TUSC3: variants seen among roughly 807,000 people sequenced by gnomAD.
TUSC3 encodes the protein tumor suppressor candidate 3, also known as dolichyl-diphosphooligosaccharide--protein glycosyltransferase subunit TUSC3.
Under a neutral mutation model 44.8 loss-of-function variants are expected in TUSC3, and 45 were observed. The observed-to-expected ratio is 1.00, with a 90% CI of 0.79 to 1.29. TUSC3 has a LOEUF of 1.29. Ranked by LOEUF, TUSC3 falls within the 50% of genes most tolerant of loss-of-function variation. The pLI is 0.00. For synonymous variants in TUSC3, 212 were observed against 152.9 expected, an observed-to-expected ratio of 1.39 and a Z score of -2.85; for missense variants, 519 against 437.9, an observed-to-expected ratio of 1.19 and a Z score of -1.65.
the TUSC3 span, among the ~76,000 whole-genome samples, chr8:15,786,288 G>A: frequency 6.6e-6 from 1 of 152,134 alleles, no homozygotes; most frequent in African/African-American, 2.4e-5. Flanking sequence ...CAATGAAGTA[G>A]TAAGTTATTA....
At chr8:15,731,158 C>G (rs1011878952) in intron 7 of TUSC3, among the ~76,000 whole-genome samples, 2 of 151,960 alleles carry the variant, frequency 1.3e-5, no homozygotes, top group African/African-American at 4.8e-5. Context: ...GTTCAACATG[C>G]CTTTTTGGAA....
chr8:15,807,964 G>A, the TUSC3 span, among the ~76,000 whole-genome samples: 3 of 145,576 alleles, frequency 2.1e-5, no homozygotes, highest in Non-Finnish European at 3.0e-5. Context: ...CCTTAGCATC[G>A]TGTGATATAA....
At chr8:15,494,888 A>T (rs1800858948) in intron 2 of TUSC3, among the ~76,000 whole-genome samples, 1 of 152,116 alleles carries the variant, frequency 6.6e-6, no homozygotes, top group African/African-American at 2.4e-5. Context: ...TCATTCACCA[A>T]ATCTATAGCT....
chr8:15,816,728 A>G, the TUSC3 span, among the ~76,000 whole-genome samples: 26,483 of 152,158 alleles, frequency 0.17, 2,473 homozygotes, highest in Admixed American at 0.28. Flanking sequence ...CACCTTTTCC[A>G]ATAACCAAAC....
chr8:15,844,145 A>G, the TUSC3 span, among the ~76,000 whole-genome samples: 2 of 152,212 alleles, frequency 1.3e-5, no homozygotes, highest in East Asian at 3.9e-4. Context: ...CACCATGACA[A>G]ACAATTTTAA....
intron 1 of TUSC3, among the ~76,000 whole-genome samples, chr8:15,445,360 C>T (rs1332916242): frequency 6.6e-6 from 1 of 150,510 alleles, no homozygotes; most frequent in African/African-American, 2.4e-5. Context: ...GGGTGTTTCT[C>T]AGAGAGGGGG....
At chr8:15,596,009 A>C (rs1304963116) in intron 1 of TUSC3, among the ~76,000 whole-genome samples, 1 of 152,158 alleles carries the variant, frequency 6.6e-6, no homozygotes, top group Non-Finnish European at 1.5e-5. Context: ...TTGTGGGTAA[A>C]ATAGGTCCAA....
intron 2 of TUSC3, among the ~76,000 whole-genome samples, chr8:15,637,856 C>T (rs1806163391): frequency 6.6e-6 from 1 of 152,082 alleles, no homozygotes; most frequent in Non-Finnish European, 1.5e-5. Flanking sequence ...CTCTCTCCTC[C>T]TTCTTGCAGT....
At chr8:15,434,357 C>A (rs7814582) in intron 1 of TUSC3, among the ~76,000 whole-genome samples, 24,991 of 151,926 alleles carry the variant, frequency 0.16, 2,102 homozygotes, top group Middle Eastern at 0.22. Context: ...TTGTCAGATA[C>A]ATGTGTTCTG....
At chr8:15,704,637 C>CT (rs964293483) in intron 6 of TUSC3, among the ~76,000 whole-genome samples, 3 of 89,538 alleles carry the variant, frequency 3.4e-5, no homozygotes, top group Admixed American at 2.4e-4. Context: ...AAAGGAAACT[C>CT]TTTTTTTTCC....
intron 2 of TUSC3, among the ~76,000 whole-genome samples, chr8:15,493,338 G>A (rs770047259): frequency 2.4e-4 from 37 of 152,190 alleles, no homozygotes; most frequent in South Asian, 1.0e-3. Context: ...ATAGCTCACA[G>A]CAGGGTCAAA....
the TUSC3 span, among the ~76,000 whole-genome samples, chr8:15,803,325 C>T: frequency 2.7e-4 from 41 of 152,190 alleles, no homozygotes; most frequent in Non-Finnish European, 5.6e-4. Flanking sequence ...AAATTTAGTA[C>T]TATCATCCTA....
chr8:15,635,475 A>G (rs1384971811), intron 2 of TUSC3, among the ~76,000 whole-genome samples: 1 of 152,164 alleles, frequency 6.6e-6, no homozygotes, highest in Non-Finnish European at 1.5e-5. Flanking sequence ...TTTTGTGGCA[A>G]AAGGCACAGT....
At chr8:15,636,868 T>A (rs1036607715) in intron 2 of TUSC3, among the ~76,000 whole-genome samples, 1 of 152,176 alleles carries the variant, frequency 6.6e-6, no homozygotes, top group Non-Finnish European at 1.5e-5. Flanking sequence ...CTGGGGAAAT[T>A]GAGTGTTTGT....
At chr8:15,843,028 A>G in the TUSC3 span, among the ~76,000 whole-genome samples, 1 of 152,220 alleles carries the variant, frequency 6.6e-6, no homozygotes, top group Non-Finnish European at 1.5e-5. Flanking sequence ...ACATGAGTAT[A>G]TTTCATGCTC....
intron 2 of TUSC3, among the ~76,000 whole-genome samples, chr8:15,521,850 G>C (rs753136987): frequency 7.9e-5 from 12 of 152,262 alleles, no homozygotes; most frequent in African/African-American, 1.9e-4. Context: ...TAACTGCTCT[G>C]CTCTTTAAGG....
At chr8:15,524,943 A>C (rs1801354039) in intron 2 of TUSC3, among the ~76,000 whole-genome samples, 2 of 152,182 alleles carry the variant, frequency 1.3e-5, no homozygotes. Flanking sequence ...ATTTTAGACT[A>C]AAAGGGGGCC....
intron 5 of TUSC3, among the ~76,000 whole-genome samples, chr8:15,664,268 G>T (rs1409223156): frequency 6.6e-6 from 1 of 151,532 alleles, no homozygotes; most frequent in Non-Finnish European, 1.5e-5. Flanking sequence ...ACACAAAGCT[G>T]GGCTTCTTTA....
chr8:15,576,814 T>G lies in TUSC3; in HGVS notation c.138+36246T>G, dbSNP rs1207575343. On this transcript the variant is annotated intron_variant, in intron 1 of 10. Transcript: ENST00000503731. ...TATAGCAGCACGATTTATAGTCATT[T>G]GGGTATATACCCAGTAATGGGATGG... Among the ~76,000 whole-genome samples the G allele has an allele frequency of 2.1e-5, 3 of 139,670 alleles. No individual in the cohort carries two copies. In the East Asian group the frequency reaches 6.2e-4, roughly 29 times the overall value. 91.6% of individuals were successfully genotyped at this position (139,670 alleles called of 152,430 possible).
Sources: gnomAD v4.1 joint callset for allele counts (sites outside exome capture counted in the v4.1 genomes callset) on GRCh38, gnomAD v4.1.1 for gene constraint, MANE v1.5 for transcripts, NCBI Gene and HGNC (gene_info 2026-07-23, HGNC 2026-07-21) for gene names.